Variants in NEMP2 observed in about 807,000 individuals in gnomAD.
The protein encoded by NEMP2 is nuclear envelope integral membrane protein 2.
Under a neutral mutation model 54.2 loss-of-function variants are expected in NEMP2, and 53 were observed. That is an observed-to-expected ratio of 0.98 (90% CI 0.78 to 1.23). The LOEUF is 1.23. NEMP2 is among the 50% of genes most tolerant of loss of function. NEMP2 has a pLI of 0.00. For synonymous variants in NEMP2, 197 were observed against 190.3 expected (o/e 1.04, Z -0.29); for missense variants, 455 against 511.3 (o/e 0.89, Z 1.06).
At chr2:190,490,918 C>T in the NEMP2 span, among the ~76,000 whole-genome samples, 1 of 152,154 alleles carries the variant, frequency 6.6e-6, no homozygotes. The surrounding 1 kb of genome is among the most constrained non-coding windows in gnomAD (Gnocchi z 4.5). Context: ...AAGAGCAATA[C>T]TGTTTTTTCT....
chr2:190,571,485 G>A, the NEMP2 span, among the ~76,000 whole-genome samples: 7 of 152,108 alleles, frequency 4.6e-5, no homozygotes, highest in Non-Finnish European at 1.0e-4. Flanking sequence ...GGAGGTTGCA[G>A]TGAGCCAAGA....
chr2:190,557,450 G>T, the NEMP2 span, among the ~76,000 whole-genome samples: 17 of 152,140 alleles, frequency 1.1e-4, no homozygotes, highest in African/African-American at 4.1e-4. Context: ...AAAAGCAATG[G>T]CAACAAAAGC....
the NEMP2 span, among the ~76,000 whole-genome samples, chr2:190,634,795 G>C: frequency 3.3e-5 from 5 of 152,172 alleles, no homozygotes; most frequent in African/African-American, 1.2e-4. This position sits in a 1 kb window ranked among gnomAD's most constrained non-coding sequence, Gnocchi z 6.8. Flanking sequence ...CAAGACTTTA[G>C]AGCAACTGTG....
the NEMP2 span, among the ~76,000 whole-genome samples, chr2:190,558,339 G>A: frequency 1.8e-4 from 27 of 152,302 alleles, no homozygotes; most frequent in African/African-American, 6.5e-4. This position sits in a 1 kb window ranked among gnomAD's most constrained non-coding sequence, Gnocchi z 4.4. Context: ...GGGGCTAGGG[G>A]AGGGATAGCA....
the NEMP2 span, among the ~76,000 whole-genome samples, chr2:190,435,008 AT>A: frequency 1.3e-5 from 2 of 152,178 alleles, no homozygotes; most frequent in African/African-American, 2.4e-5. Flanking sequence ...TGTGCTCCTT[AT>A]GAGAACCTAA....
chr2:190,466,600 A>C, the NEMP2 span, among the ~76,000 whole-genome samples: 1 of 152,168 alleles, frequency 6.6e-6, no homozygotes, highest in African/African-American at 2.4e-5. Flanking sequence ...TCATTTATTG[A>C]GTGCTTATTT....
chr2:190,591,724 T>G, the NEMP2 span, among the ~76,000 whole-genome samples: 1 of 152,282 alleles, frequency 6.6e-6, no homozygotes, highest in Admixed American at 6.5e-5. This position sits in a 1 kb window ranked among gnomAD's most constrained non-coding sequence, Gnocchi z 5.4. Flanking sequence ...GCCTGGAGAC[T>G]AAAGAAAGCC....
rs190888387 is a variant in NEMP2, at chr2:190,522,454, G to A, written c.213+2809C>T. 5.3e-5 allele frequency among the ~76,000 whole-genome samples: 8 copies of A among 152,100 alleles called. No individual in the cohort carries two copies. In the East Asian group the frequency reaches 1.5e-3, roughly 29 times the overall value. The stretch of plus-strand genomic sequence containing the variant: ...TATGATCTTTTCTGAGAATAAAAAG[G>A]TAAACAAAACTTGTAAACCAAAAAT... On this transcript the variant is annotated intron_variant, in intron 2 of 8. Coordinates refer to ENST00000409150, the MANE Select transcript of NEMP2 (RefSeq NM_001142645.2). The surrounding 1 kb of genome is among the most constrained non-coding windows in gnomAD (Gnocchi z 5.0).
chr2:190,575,676 G>A, the NEMP2 span, among the ~76,000 whole-genome samples: 5 of 152,138 alleles, frequency 3.3e-5, no homozygotes, highest in African/African-American at 7.2e-5. Flanking sequence ...CCAACATGGC[G>A]AAGCCTCGTC....
chr2:190,479,420 T>C, the NEMP2 span, among the ~76,000 whole-genome samples: 6 of 152,314 alleles, frequency 3.9e-5, no homozygotes, highest in South Asian at 1.2e-3. Context: ...CCTAAAAGCA[T>C]TGCTGGATGG....
At chr2:190,444,816 C>A in the NEMP2 span, 1 of 640,512 alleles carries the variant, frequency 1.6e-6, no homozygotes, top group Non-Finnish European at 1.9e-6. Flanking sequence ...CATTCAGAAA[C>A]AAGTGTTTCA....
intron 4 of NEMP2, 121 bp downstream of exon 4, chr2:190,518,615 T>G: frequency 1.3e-6 from 1 of 791,798 alleles, no homozygotes; most frequent in Non-Finnish European, 2.0e-6. Flanking sequence ...GACCTATTGT[T>G]TGCAAAACCT....
At chr2:190,443,766 G>A in the NEMP2 span, among the ~76,000 whole-genome samples, 3 of 152,144 alleles carry the variant, frequency 2.0e-5, no homozygotes, top group African/African-American at 7.2e-5. This position sits in a 1 kb window ranked among gnomAD's most constrained non-coding sequence, Gnocchi z 4.2. Context: ...TCTTCTTAAA[G>A]ATTAGTCTAG....
Position 190,518,967 on chromosome 2 carries a change from G to C in NEMP2, c.430C>G (p.His144Asp), listed in dbSNP as rs1275715401. The C allele has an allele frequency of 2.6e-6, 4 of 1,550,428 alleles. No individual in the cohort carries two copies. Among genetic ancestry groups the C allele is most frequent in the Non-Finnish European group, 3.5e-6 (4 of 1,146,092 alleles). ...TCGGACTTACTGTTTCGATTCACAT[G>C]TATCATATAGTTAAATATCTTCTTG... ...PVKKIFNYMI[H>D]VNRNIMDFKL... Residue 144 changes from histidine (H) to aspartate (D), a missense_variant, in exon 3 of 9, where the codon CAT becomes GAT. His to Asp is a moderately conservative substitution (Grantham distance 81, BLOSUM62 -1). This residue lies in a region of NEMP2 where 294 missense variants were observed against 333.6 expected (regional missense o/e 0.88). Transcript: ENST00000409150.
chr2:190,448,398 G>A, the NEMP2 span, among the ~76,000 whole-genome samples: 2 of 152,142 alleles, frequency 1.3e-5, no homozygotes, highest in Non-Finnish European at 2.9e-5. Flanking sequence ...CAGTGAAAAA[G>A]AGAAACAGTC....
At chr2:190,451,642 G>A in the NEMP2 span, among the ~76,000 whole-genome samples, 1 of 152,204 alleles carries the variant, frequency 6.6e-6, no homozygotes, top group Admixed American at 6.5e-5. The surrounding 1 kb of genome is among the most constrained non-coding windows in gnomAD (Gnocchi z 5.0). Context: ...CGGTTAGGCT[G>A]GGAGACTTTC....
Position 190,522,177 on chromosome 2 carries a change from A to G in NEMP2, c.214-2994T>C, listed in dbSNP as rs1690773859. ...TTGTAGATACTTATAAATAATGATAATAACACAAACATAAAGATGGAAACA... is the reference window on the plus strand; with the variant it reads ...TTGTAGATACTTATAAATAATGATAGTAACACAAACATAAAGATGGAAACA... On this transcript the variant is annotated intron_variant, in intron 2 of 8. Transcript: ENST00000409150. This position sits in a 1 kb window ranked among gnomAD's most constrained non-coding sequence, Gnocchi z 5.0. Among the ~76,000 whole-genome samples, 1 of 152,192 alleles carries G rather than the reference A, an allele frequency of 6.6e-6. No homozygotes were observed. Among genetic ancestry groups the G allele is most frequent in the Non-Finnish European group, 1.5e-5 (1 of 68,030 alleles).
the NEMP2 span, chr2:190,609,547 T>C: frequency 6.6e-6 from 1 of 152,148 alleles, no homozygotes; most frequent in Non-Finnish European, 1.5e-5. This position sits in a 1 kb window ranked among gnomAD's most constrained non-coding sequence, Gnocchi z 4.7. Context: ...TAGGCAAAAC[T>C]CTTGGTGGGC....
chr2:190,481,717 A>G, the NEMP2 span, among the ~76,000 whole-genome samples: 75 of 152,366 alleles, frequency 4.9e-4, 1 homozygote, highest in East Asian at 0.014. Context: ...TGTTGAATGC[A>G]TGAAGGGGAT....
Sources: allele counts gnomAD v4.1 joint callset (sites outside exome capture counted in the v4.1 genomes callset), GRCh38; gene constraint gnomAD v4.1.1; regional missense constraint gnomAD v4.1.1; non-coding constraint Gnocchi (gnomAD v3.1); transcripts MANE v1.5; gene names NCBI Gene and HGNC (gene_info 2026-07-23, HGNC 2026-07-21).